Variants in LINGO1 observed in about 807,000 individuals in gnomAD.
The protein encoded by LINGO1 is leucine-rich repeat and immunoglobulin-like domain-containing nogo receptor-interacting protein 1.
Under a neutral mutation model 37.3 loss-of-function variants are expected in LINGO1, and 11 were observed. That is an observed-to-expected ratio of 0.29 (90% CI 0.19 to 0.49). The LOEUF is 0.49. Ranked by LOEUF, LINGO1 falls within the 20% of genes least tolerant of loss-of-function variation. The pLI is 0.99. For synonymous variants in LINGO1, 387 were observed against 403.0 expected (o/e 0.96, Z 0.48); for missense variants, 585 against 878.2 (o/e 0.67, Z 4.22).
At chr15:77,713,034 T>TTTTG (rs1008596868) in intron 2 of LINGO1, among the ~76,000 whole-genome samples, 3 of 152,078 alleles carry the variant, frequency 2.0e-5, no homozygotes, top group East Asian at 1.9e-4. Context: ...GGTTTTGGTT[T>TTTTG]TTTGTTTGTT....
At chr15:77,678,994 T>C (rs1476133124) in intron 2 of LINGO1, among the ~76,000 whole-genome samples, 1 of 152,164 alleles carries the variant, frequency 6.6e-6, no homozygotes, top group Non-Finnish European at 1.5e-5. Context: ...TCCACTTCCC[T>C]GGTGGGGAAG....
At chr15:77,806,478 C>A (rs1445578618) in intron 1 of LINGO1, among the ~76,000 whole-genome samples, 1 of 152,166 alleles carries the variant, frequency 6.6e-6, no homozygotes, top group East Asian at 1.9e-4. Context: ...CACCTGCCTT[C>A]AGGTCCCTGG....
intron 2 of LINGO1, among the ~76,000 whole-genome samples, chr15:77,718,604 G>A (rs1482212568): frequency 6.6e-6 from 1 of 150,942 alleles, no homozygotes; most frequent in Non-Finnish European, 1.5e-5. Flanking sequence ...CCCCAGAGAT[G>A]CACGCTGGGA....
chr15:77,817,716 C>T (rs1338415048), intron 1 of LINGO1, among the ~76,000 whole-genome samples: 1 of 152,174 alleles, frequency 6.6e-6, no homozygotes, highest in Non-Finnish European at 1.5e-5. Context: ...TAAAGAAGGC[C>T]TGGGTGTCCT....
chr15:77,661,735 C>T (rs1286943899), intron 3 of LINGO1, among the ~76,000 whole-genome samples: 2 of 152,204 alleles, frequency 1.3e-5, no homozygotes, highest in Non-Finnish European at 1.5e-5. Flanking sequence ...GCTTCTTTTT[C>T]CCTCCTGCCC....
chr15:77,727,952 G>C (rs1273037954), intron 2 of LINGO1, among the ~76,000 whole-genome samples: 3 of 152,168 alleles, frequency 2.0e-5, no homozygotes. Flanking sequence ...CTCTACAACA[G>C]CTTTTGGAGG....
At chr15:77,744,554 A>ATAAAG (rs2076294559) in intron 1 of LINGO1, among the ~76,000 whole-genome samples, 1 of 152,352 alleles carries the variant, frequency 6.6e-6, no homozygotes, top group East Asian at 1.9e-4. Flanking sequence ...ATAAAATAAA[A>ATAAAG]TAACAAAAGC....
chr15:77,762,049 T>A (rs900066464), intron 1 of LINGO1, among the ~76,000 whole-genome samples: 2 of 152,248 alleles, frequency 1.3e-5, no homozygotes, highest in African/African-American at 4.8e-5. Context: ...GCCTAGAGTT[T>A]GATGATTCGG....
intron 3 of LINGO1, among the ~76,000 whole-genome samples, chr15:77,641,439 A>T (rs1414152118): frequency 6.6e-6 from 1 of 152,172 alleles, no homozygotes; most frequent in Non-Finnish European, 1.5e-5. Context: ...CAGCTGCATC[A>T]CCCCGGCCCG....
At chr15:77,669,831 C>T (rs985496478) in intron 3 of LINGO1, among the ~76,000 whole-genome samples, 1 of 152,256 alleles carries the variant, frequency 6.6e-6, no homozygotes, top group Non-Finnish European at 1.5e-5. Flanking sequence ...CAAACCACAT[C>T]GCCTTACGGC....
At chr15:77,745,166 G>C (rs1271508351) in intron 1 of LINGO1, among the ~76,000 whole-genome samples, 5 of 148,140 alleles carry the variant, frequency 3.4e-5, no homozygotes, top group South Asian at 4.3e-4. Flanking sequence ...GGTGGCTCAC[G>C]CCTGTAATCC....
rs2075992814 is a variant in LINGO1, at chr15:77,717,048, G to A, written c.-195+17944C>T. Among the ~76,000 whole-genome samples the A allele has an allele frequency of 3.5e-5, 5 of 142,996 alleles. No homozygotes were observed. In the South Asian group the frequency reaches 1.2e-3, roughly 34 times the overall value. The allele number at this position is 142,996 out of a possible 152,430, so 93.8% of individuals were successfully genotyped here. A position where few individuals can be genotyped will look rare whatever the true frequency, so the allele number is the denominator to read the frequency against. ...AGAGAGACCCAGGAGGAGAGGAGATGAGGAGGAGGGGAAGCCTGAGCCGCG... is the reference window on the plus strand; with the variant it reads ...AGAGAGACCCAGGAGGAGAGGAGATAAGGAGGAGGGGAAGCCTGAGCCGCG... On this transcript the variant is annotated intron_variant, in intron 2 of 3. Coordinates refer to the LINGO1 transcript ENST00000561686.
At chr15:77,708,137 G>A (rs2075874984) in intron 2 of LINGO1, among the ~76,000 whole-genome samples, 1 of 152,218 alleles carries the variant, frequency 6.6e-6, no homozygotes, top group Non-Finnish European at 1.5e-5. Flanking sequence ...TGGGTTTATA[G>A]TGTTAGACAT....
At chr15:77,811,872 A>G (rs2141480182) in intron 1 of LINGO1, among the ~76,000 whole-genome samples, 1 of 152,274 alleles carries the variant, frequency 6.6e-6, no homozygotes, top group Non-Finnish European at 1.5e-5. Flanking sequence ...TTAAATCTAG[A>G]TGAAGGGTAT....
chr15:77,682,313 T>TG (rs755151935), intron 2 of LINGO1, among the ~76,000 whole-genome samples: 1 of 146,188 alleles, frequency 6.8e-6, no homozygotes, highest in Non-Finnish European at 1.5e-5. Flanking sequence ...TGTGTGTGTG[T>TG]AGTGTCTCGT....
intron 1 of LINGO1, among the ~76,000 whole-genome samples, chr15:77,763,046 G>T (rs975807638): frequency 6.6e-6 from 1 of 152,336 alleles, no homozygotes; most frequent in Middle Eastern, 3.4e-3. Context: ...AAAGGGAGGT[G>T]CCCACCCCGC....
intron 1 of LINGO1, among the ~76,000 whole-genome samples, chr15:77,767,569 T>C (rs2076542576): frequency 6.6e-6 from 1 of 152,182 alleles, no homozygotes; most frequent in Non-Finnish European, 1.5e-5. Flanking sequence ...AGATCCTGCA[T>C]GTCTGCTGCA....
Position 77,686,166 on chromosome 15 carries a change from T to G in LINGO1, c.-99+4554A>C, listed in dbSNP as rs555962798. On this transcript the variant is annotated intron_variant, in intron 2 of 3. Coordinates refer to the LINGO1 transcript ENST00000559893. Reference sequence around the variant, plus strand: ...CTGGGCTAGTCCCAAGCCCTAAGTCTGTGGTCGGAGGCCTCAGCCTGATGT... The same window carrying G: ...CTGGGCTAGTCCCAAGCCCTAAGTCGGTGGTCGGAGGCCTCAGCCTGATGT... Among the ~76,000 whole-genome samples, 3 of 152,278 alleles carry G rather than the reference T, an allele frequency of 2.0e-5. No homozygotes were observed. In the East Asian group the frequency reaches 5.8e-4, roughly 29 times the overall value.
chr15:77,788,191 G>T (rs1451960831), upstream of LINGO1: 1 of 152,232 alleles, frequency 6.6e-6, no homozygotes, highest in Non-Finnish European at 1.5e-5. Flanking sequence ...TGCCCTGCCT[G>T]GGCCACCATG....
Sources: allele counts gnomAD v4.1 joint callset (sites outside exome capture counted in the v4.1 genomes callset), GRCh38; gene constraint gnomAD v4.1.1; transcripts MANE v1.5; gene names NCBI Gene and HGNC (gene_info 2026-07-23, HGNC 2026-07-21).